The following CTNNA2 variants were observed in gnomAD, a reference collection of about 807,000 sequenced individuals.
CTNNA2 encodes the protein catenin alpha 2.
A neutral mutation model predicts 101.0 loss-of-function variants in CTNNA2; 42 were observed. That is an observed-to-expected ratio of 0.42 (90% confidence interval 0.32 to 0.54). The LOEUF (loss-of-function observed/expected upper bound fraction) is 0.54. Among genes scored for constraint, CTNNA2 ranks in the 20% least tolerant of loss-of-function variants. The pLI is 0.14. For missense variants in CTNNA2, 871 were observed against 1,223.1 expected (o/e 0.71, Z 4.29); for synonymous variants, 450 against 456.4 (o/e 0.99, Z 0.18).
At chr2:80,531,068 T>A (rs1273803582) in intron 9 of CTNNA2, among the ~76,000 whole-genome samples, 1 of 152,154 alleles carries the variant, frequency 6.6e-6, no homozygotes, top group African/African-American at 2.4e-5. Flanking sequence ...GGTTACAGGT[T>A]CTGAGGGCAG....
intron 6 of CTNNA2, among the ~76,000 whole-genome samples, chr2:79,905,211 A>T (rs1434643352): frequency 6.6e-6 from 1 of 152,240 alleles, no homozygotes; most frequent in Non-Finnish European, 1.5e-5. Flanking sequence ...AAAGCACAAA[A>T]TAGTATGCAA....
intron 7 of CTNNA2, among the ~76,000 whole-genome samples, chr2:80,189,894 G>GT (rs1171439696): frequency 6.6e-6 from 1 of 152,122 alleles, no homozygotes; most frequent in Non-Finnish European, 1.5e-5. Context: ...GAGTTTTGTT[G>GT]TGTGTGTGTT....
chr2:80,619,659 G>T (rs1383260020), intron 18 of CTNNA2, among the ~76,000 whole-genome samples: 1 of 151,796 alleles, frequency 6.6e-6, no homozygotes, highest in African/African-American at 2.4e-5. Context: ...CTAAAACTGT[G>T]GAGGTTAAAA....
intron 7 of CTNNA2, among the ~76,000 whole-genome samples, chr2:79,937,490 C>T (rs889425775): frequency 6.6e-6 from 1 of 152,096 alleles, no homozygotes; most frequent in Admixed American, 6.6e-5. Context: ...TGCACATACC[C>T]CTCATTATTT....
chr2:80,536,977 T>C lies in CTNNA2; in HGVS notation c.1291-8005T>C, dbSNP rs573102867. On this transcript the variant is annotated intron_variant, in intron 9 of 18. Coordinates refer to ENST00000402739, the MANE Select transcript of CTNNA2 (RefSeq NM_001282597.3). ...AATGTGCAGGCTTGTTACATAGGTA[T>C]ACATGTGCCATGGTGGTTTGCTGCA... Among the ~76,000 whole-genome samples, 3 of 152,342 alleles carry C rather than the reference T, an allele frequency of 2.0e-5. No homozygotes were observed. In the East Asian group the frequency reaches 5.8e-4, roughly 29 times the overall value.
chr2:79,977,046 C>A (rs1159663451), intron 7 of CTNNA2, among the ~76,000 whole-genome samples: 3 of 152,154 alleles, frequency 2.0e-5, no homozygotes, highest in Non-Finnish European at 2.9e-5. Flanking sequence ...CTGATTCACA[C>A]AGAGCTTGAA....
chr2:79,470,282 C>G (rs774376868), intron 4 of CTNNA2, among the ~76,000 whole-genome samples: 3 of 152,102 alleles, frequency 2.0e-5, no homozygotes, highest in Non-Finnish European at 4.4e-5. Context: ...GCGGGAGGAG[C>G]ATTTGAACCC....
intron 7 of CTNNA2, among the ~76,000 whole-genome samples, chr2:80,140,816 A>T (rs1702964001): frequency 6.6e-6 from 1 of 152,034 alleles, no homozygotes; most frequent in South Asian, 2.1e-4. Flanking sequence ...AAGCAGAGAA[A>T]CCCCATCATA....
chr2:79,228,033 T>G (rs1674443322), intron 2 of CTNNA2, among the ~76,000 whole-genome samples: 3 of 152,268 alleles, frequency 2.0e-5, no homozygotes, highest in African/African-American at 7.2e-5. Flanking sequence ...TTAGATTGTT[T>G]AGGCTAATGG....
chr2:79,535,527 C>A (rs28661737), intron 1 of CTNNA2, among the ~76,000 whole-genome samples: 101,266 of 151,854 alleles, frequency 0.67, 33,801 homozygotes, highest in African/African-American at 0.68. Flanking sequence ...TATAACCAGG[C>A]AAAATAAATT....
At chr2:79,554,919 A>G (rs978163217) in intron 1 of CTNNA2, among the ~76,000 whole-genome samples, 4 of 152,190 alleles carry the variant, frequency 2.6e-5, no homozygotes, top group African/African-American at 9.6e-5. Context: ...TATTAAGCCT[A>G]TTGATAGTTG....
chr2:80,434,754 A>T (rs1299476022), intron 9 of CTNNA2, among the ~76,000 whole-genome samples: 1 of 151,996 alleles, frequency 6.6e-6, no homozygotes, highest in African/African-American at 2.4e-5. Context: ...ACACTCATTT[A>T]AAAAATTAAG....
intron 1 of CTNNA2, among the ~76,000 whole-genome samples, chr2:79,600,257 C>A (rs1460359443): frequency 6.6e-6 from 1 of 152,090 alleles, no homozygotes; most frequent in East Asian, 1.9e-4. Flanking sequence ...CTCAGTGCAA[C>A]CTCCACCTCC....
chr2:80,057,172 G>GTT (rs1260783289), intron 7 of CTNNA2, among the ~76,000 whole-genome samples: 3,854 of 138,256 alleles, frequency 0.028, 175 homozygotes, highest in African/African-American at 0.1. Context: ...AAGTATATAA[G>GTT]TTGTTTTTTT....
chr2:80,567,542 T>C (rs186861859), intron 12 of CTNNA2, among the ~76,000 whole-genome samples: 2 of 152,256 alleles, frequency 1.3e-5, no homozygotes, highest in East Asian at 3.9e-4. Flanking sequence ...CTCTCTTCTG[T>C]CATCTAATTA....
intron 7 of CTNNA2, among the ~76,000 whole-genome samples, chr2:80,110,282 G>A (rs1264975120): frequency 6.6e-6 from 1 of 152,124 alleles, no homozygotes; most frequent in African/African-American, 2.4e-5. Context: ...AAACTGGGCT[G>A]GGCAATATGT....
intron 13 of CTNNA2, among the ~76,000 whole-genome samples, chr2:80,581,258 T>A (rs1695515774): frequency 1.3e-5 from 2 of 152,130 alleles, no homozygotes. Flanking sequence ...CCGTTATACC[T>A]TATGGCTTTG....
At chr2:80,380,137 C>T (rs573688596) in intron 7 of CTNNA2, among the ~76,000 whole-genome samples, 6 of 150,594 alleles carry the variant, frequency 4.0e-5, no homozygotes, top group Admixed American at 1.3e-4. Context: ...CCCGGGTTCA[C>T]GCCATTCTCC....
rs543654502 is a variant in CTNNA2 at position 79,913,926 on chromosome 2, G to A, written c.1056+4129G>A. On this transcript the variant is annotated intron_variant, in intron 7 of 18. Transcript: ENST00000402739. The stretch of plus-strand genomic sequence containing the variant: ...CTCACGCCTGTAATCCCAGCACTTT[G>A]GGAGGCCGAGGCGGGCGGATCACGA... Among the ~76,000 whole-genome samples, 7 of 150,554 alleles carry A rather than the reference G, an allele frequency of 4.6e-5. No homozygotes were observed. The South Asian group carries it at 1.5e-3, about 32-fold the overall frequency.
Sources: allele counts gnomAD v4.1 joint callset (sites outside exome capture counted in the v4.1 genomes callset), GRCh38; gene constraint gnomAD v4.1.1; transcripts MANE v1.5; gene names NCBI Gene and HGNC (gene_info 2026-07-23, HGNC 2026-07-21).